The following PIAS2 variants were observed in gnomAD, a reference collection of about 807,000 sequenced individuals.
The protein encoded by PIAS2 is protein inhibitor of activated STAT 2.
A neutral mutation model predicts 69.7 loss-of-function variants in PIAS2; 19 were observed. The observed-to-expected ratio is 0.27, with a 90% CI of 0.19 to 0.40. PIAS2 has a LOEUF of 0.40. Among genes scored for constraint, PIAS2 ranks in the 10% least tolerant of loss-of-function variants. The pLI is 1.00. For synonymous variants in PIAS2, 261 were observed against 263.2 expected, an observed-to-expected ratio of 0.99 and a Z score of 0.08; for missense variants, 624 against 757.0, an observed-to-expected ratio of 0.82 and a Z score of 2.06.
chr18:46,844,959 G>T (rs2045959763), intron 6 of PIAS2, 120 bp from the exon 7 acceptor site: 3 of 454,596 alleles, frequency 6.6e-6, no homozygotes, highest in Non-Finnish European at 1.1e-5. Flanking sequence ...AACTTCCATG[G>T]AATGGTCAAT....
chr18:46,868,270 G>C (rs983180774), intron 2 of PIAS2, among the ~76,000 whole-genome samples: 1 of 152,234 alleles, frequency 6.6e-6, no homozygotes, highest in South Asian at 2.1e-4. Context: ...CAACTTCCTT[G>C]TCCCTTCTCC....
intron 2 of PIAS2, among the ~76,000 whole-genome samples, chr18:46,870,038 C>T (rs1290732784): frequency 6.6e-6 from 1 of 152,070 alleles, no homozygotes; most frequent in Non-Finnish European, 1.5e-5. Flanking sequence ...CAAGCAGGTG[C>T]ACAGGACCCC....
chr18:46,857,606 C>T (rs958987097), intron 3 of PIAS2, among the ~76,000 whole-genome samples: 7 of 151,728 alleles, frequency 4.6e-5, no homozygotes, highest in Admixed American at 6.6e-5. Context: ...ATGGGAAACA[C>T]GATGTGAAGA....
At chr18:46,824,803 G>T (rs1217226236) in intron 11 of PIAS2, among the ~76,000 whole-genome samples, 2 of 147,500 alleles carry the variant, frequency 1.4e-5, no homozygotes, top group Non-Finnish European at 3.0e-5. Flanking sequence ...AGGAGTTCGA[G>T]ACCAGCCTGT....
chr18:46,840,613 A>T (rs1179301402), intron 8 of PIAS2, among the ~76,000 whole-genome samples: 1 of 152,164 alleles, frequency 6.6e-6, no homozygotes, highest in Non-Finnish European at 1.5e-5. Context: ...GCTGACCCTA[A>T]ATTTAATTCT....
At chr18:46,854,133 C>T (rs2047386727) in intron 5 of PIAS2, among the ~76,000 whole-genome samples, 1 of 152,220 alleles carries the variant, frequency 6.6e-6, no homozygotes, top group Non-Finnish European at 1.5e-5. Flanking sequence ...GAAGTCAGAT[C>T]CCTCTGTCCA....
intron 1 of PIAS2, among the ~76,000 whole-genome samples, chr18:46,902,704 T>C (rs555862549): frequency 6.6e-6 from 1 of 152,326 alleles, no homozygotes; most frequent in South Asian, 2.1e-4. Context: ...TTTTTGTAGA[T>C]ATAGATGAGA....
chr18:46,905,223 A>T (rs2056442236), intron 1 of PIAS2, among the ~76,000 whole-genome samples: 1 of 152,228 alleles, frequency 6.6e-6, no homozygotes, highest in Admixed American at 6.5e-5. Flanking sequence ...ACAAATCAAC[A>T]GCCAAATCAA....
At chr18:46,839,757 C>T (rs1025009830) in intron 8 of PIAS2, among the ~76,000 whole-genome samples, 6 of 150,552 alleles carry the variant, frequency 4.0e-5, no homozygotes, top group Non-Finnish European at 5.9e-5. Context: ...CCCAGCTACT[C>T]GGGAGACTGA....
chr18:46,904,409 C>G (rs2051292), intron 1 of PIAS2, among the ~76,000 whole-genome samples: 93,595 of 151,966 alleles, frequency 0.62, 30,147 homozygotes, highest in African/African-American at 0.81. Flanking sequence ...AAAAATGTAA[C>G]GGTGAGGAGA....
intron 1 of PIAS2, among the ~76,000 whole-genome samples, chr18:46,908,296 G>A (rs941230502): frequency 1.3e-5 from 2 of 152,094 alleles, no homozygotes; most frequent in African/African-American, 4.8e-5. Context: ...TATGCTAGCA[G>A]CAGCATCATC....
intron 2 of PIAS2, among the ~76,000 whole-genome samples, chr18:46,878,211 CTT>C (rs2051571957): frequency 6.6e-6 from 1 of 152,180 alleles, no homozygotes; most frequent in Admixed American, 6.5e-5. Context: ...GGAAGTAACA[CTT>C]TTCTCACCTG....
At chr18:46,876,234 T>C (rs868565216) in intron 2 of PIAS2, among the ~76,000 whole-genome samples, 3 of 152,160 alleles carry the variant, frequency 2.0e-5, no homozygotes, top group Admixed American at 6.5e-5. Flanking sequence ...AGACAAAGGA[T>C]TGTATAACAA....
chr18:46,916,966 T>A (rs2058012169), intron 1 of PIAS2: 21 of 985,746 alleles, frequency 2.1e-5, no homozygotes, highest in Non-Finnish European at 2.5e-5. Context: ...CCGGTGAAGG[T>A]GCAAGATCAA....
At chr18:46,882,479 C>CAAAATAT (rs2052435984) in intron 2 of PIAS2, among the ~76,000 whole-genome samples, 1 of 152,078 alleles carries the variant, frequency 6.6e-6, no homozygotes, top group Non-Finnish European at 1.5e-5. Context: ...AGGTGAATAT[C>CAAAATAT]AAAATATAAA....
chr18:46,832,443 A>AC (rs1404194945), intron 9 of PIAS2, among the ~76,000 whole-genome samples: 7 of 151,496 alleles, frequency 4.6e-5, no homozygotes, highest in Non-Finnish European at 1.5e-5. Context: ...AAACAAACAA[A>AC]AAAAAGTGGG....
At chr18:46,870,302 T>A (rs1442121853) in intron 2 of PIAS2, among the ~76,000 whole-genome samples, 1 of 151,940 alleles carries the variant, frequency 6.6e-6, no homozygotes, top group Non-Finnish European at 1.5e-5. Context: ...CTTCACTAGC[T>A]CAGAAGTTCG....
chr18:46,899,783 G>A (rs1362565340), intron 1 of PIAS2, among the ~76,000 whole-genome samples: 4 of 152,152 alleles, frequency 2.6e-5, no homozygotes, highest in African/African-American at 9.7e-5. Flanking sequence ...ACAGAATGAT[G>A]TTCGTTTTTC....
chr18:46,807,383 A>ATATATATATATTTT lies in PIAS2; in HGVS notation c.*5049_*5050insAAAATATATATATA, dbSNP rs869149927. ...TATATATATATATATATATATATATATTTTTTTTTTTTTTTTTTTTTTTTT... is the reference window on the plus strand; with the variant it reads ...TATATATATATATATATATATATATATATATATATATTTTTTTTTTTTTTTTTTTTTTTTTTTTT... On this transcript the variant is annotated 3_prime_UTR_variant, in exon 14 of 14. Coordinates refer to ENST00000585916, the MANE Select transcript of PIAS2 (RefSeq NM_004671.5). The ATATATATATATTTT allele has an allele frequency of 8.6e-5, 1 of 11,600 alleles. No individual in the cohort carries two copies. The highest frequency in any genetic ancestry group is 5.4e-4 in the African/African-American group (1 of 1,846). 0.7% of individuals were successfully genotyped at this position (11,600 alleles called of 1,614,324 possible). A position where few individuals can be genotyped will look rare whatever the true frequency, so the allele number is the denominator to read the frequency against.
Sources: gnomAD v4.1 joint callset for allele counts (sites outside exome capture counted in the v4.1 genomes callset) on GRCh38, gnomAD v4.1.1 for gene constraint, MANE v1.5 for transcripts, NCBI Gene and HGNC (gene_info 2026-07-23, HGNC 2026-07-21) for gene names.